The following TDRD12 variants were observed in gnomAD, a reference collection of about 807,000 sequenced individuals.
TDRD12 encodes putative ATP-dependent RNA helicase TDRD12.
TDRD12 carries 158 observed loss-of-function variants against 133.5 expected under a neutral mutation model. The observed-to-expected ratio is 1.18, with a 90% CI of 1.04 to 1.35. TDRD12 has a LOEUF of 1.35. Ranked by LOEUF, TDRD12 falls within the 40% of genes most tolerant of loss-of-function variation. The pLI is 0.00. For synonymous variants in TDRD12, 460 were observed against 477.9 expected, an observed-to-expected ratio of 0.96 and a Z score of 0.49; for missense variants, 1,443 against 1,321.3, an observed-to-expected ratio of 1.09 and a Z score of -1.43.
intron 10 of TDRD12, among the ~76,000 whole-genome samples, chr19:32,774,827 A>G (rs905994932): frequency 7.9e-5 from 12 of 151,896 alleles, no homozygotes; most frequent in Non-Finnish European, 1.2e-4. Flanking sequence ...TACTGAAAAT[A>G]AAAAAAAGTT....
chr19:32,774,170 A>G (rs1970516257), intron 10 of TDRD12, among the ~76,000 whole-genome samples: 1 of 152,258 alleles, frequency 6.6e-6, no homozygotes, highest in South Asian at 2.1e-4. Context: ...TGAATGGTCT[A>G]AGAACACACT....
intron 2 of TDRD12, among the ~76,000 whole-genome samples, chr19:32,733,689 T>C (rs1018045146): frequency 6.6e-6 from 1 of 152,048 alleles, no homozygotes; most frequent in Non-Finnish European, 1.5e-5. Context: ...ATTCATGTGA[T>C]GGCTTCTCCA....
chr19:32,775,434 G>T (rs1376972406), intron 10 of TDRD12, among the ~76,000 whole-genome samples: 1 of 152,130 alleles, frequency 6.6e-6, no homozygotes, highest in Admixed American at 6.5e-5. Flanking sequence ...GGGCTTAAGC[G>T]ATCCTCCGGC....
At chr19:32,758,240 TG>T (rs1239857395) in intron 8 of TDRD12, among the ~76,000 whole-genome samples, 2 of 152,198 alleles carry the variant, frequency 1.3e-5, no homozygotes, top group African/African-American at 4.8e-5. Context: ...TCTTCTTGGA[TG>T]GGTGGTTTCT....
chr19:32,810,393 C>G, intron 23 of TDRD12, 116 bp downstream of exon 23: 1 of 837,548 alleles, frequency 1.2e-6, no homozygotes, highest in Non-Finnish European at 1.7e-6. Flanking sequence ...AGCCTGGTGA[C>G]AGCGGGGTGT....
chr19:32,804,297 C>A (rs564575776), intron 21 of TDRD12, among the ~76,000 whole-genome samples: 3 of 150,868 alleles, frequency 2.0e-5, no homozygotes, highest in Admixed American at 2.0e-4. Flanking sequence ...TGGTTTTGAT[C>A]TCCTGACCTC....
intron 8 of TDRD12, among the ~76,000 whole-genome samples, chr19:32,758,738 C>T (rs1970065870): frequency 6.6e-6 from 1 of 152,182 alleles, no homozygotes; most frequent in Admixed American, 6.5e-5. Context: ...AGTTCAAGAC[C>T]AGCCTGGCCA....
chr19:32,780,153 G>A (rs6510290), intron 11 of TDRD12, among the ~76,000 whole-genome samples: 79,150 of 147,728 alleles, frequency 0.54, 21,378 homozygotes, highest in East Asian at 0.83. Context: ...GTACAATCTC[G>A]CCTTGCTGCA....
chr19:32,738,737 T>G, intron 2 of TDRD12, 119 bp from the exon 3 acceptor site: 1 of 1,093,646 alleles, frequency 9.1e-7, no homozygotes. Flanking sequence ...TGCTTGAACC[T>G]GGGAGGTGGA....
chr19:32,772,127 T>C lies in TDRD12; in HGVS notation c.866-626T>C, dbSNP rs75915286. Among the ~76,000 whole-genome samples, 14 of 152,118 alleles carry C rather than the reference T, an allele frequency of 9.2e-5. No individual in the cohort carries two copies. The East Asian group carries it at 2.3e-3, about 25-fold the overall frequency. ...GACGTGAGGGCTGGCATTAACTAAG[T>C]GGGGGCAGTGATCTGAGGACTCAGG... On this transcript the variant is annotated intron_variant, in intron 8 of 27. Coordinates refer to ENST00000444215, the Ensembl canonical transcript of TDRD12.
chr19:32,780,318 T>C (rs999526314), intron 11 of TDRD12, among the ~76,000 whole-genome samples: 5 of 152,216 alleles, frequency 3.3e-5, no homozygotes. Context: ...ACTCCTGACC[T>C]CAGGTGATCT....
At chr19:32,745,788 TTC>T (rs1477628349) in intron 4 of TDRD12, among the ~76,000 whole-genome samples, 1 of 124,926 alleles carries the variant, frequency 8.0e-6, no homozygotes, top group Admixed American at 8.1e-5. Flanking sequence ...GCTGATGTCA[TTC>T]TGTGTGTGTG....
At chr19:32,741,329 G>A (rs1199571703) in intron 3 of TDRD12, among the ~76,000 whole-genome samples, 2 of 152,166 alleles carry the variant, frequency 1.3e-5, no homozygotes, top group Admixed American at 6.5e-5. Context: ...TGATCCACCC[G>A]CCTCGGCTTC....
chr19:32,769,982 T>C (rs1471287860), intron 8 of TDRD12, among the ~76,000 whole-genome samples: 1 of 143,530 alleles, frequency 7.0e-6, no homozygotes, highest in African/African-American at 2.7e-5. Context: ...TCATCTCATT[T>C]TGTGGGTATG....
chr19:32,754,469 CAAAA>C (rs899151384), intron 6 of TDRD12, among the ~76,000 whole-genome samples: 1 of 151,436 alleles, frequency 6.6e-6, no homozygotes, highest in Non-Finnish European at 1.5e-5. Flanking sequence ...CAAAAACAAA[CAAAA>C]AAAACCGCCA....
At chr19:32,721,026 G>C (rs1269885549) in intron 1 of TDRD12, among the ~76,000 whole-genome samples, 1 of 152,020 alleles carries the variant, frequency 6.6e-6, no homozygotes, top group Non-Finnish European at 1.5e-5. Flanking sequence ...GGGGCCCTTA[G>C]GCTCGGCGCC....
intron 11 of TDRD12, among the ~76,000 whole-genome samples, chr19:32,785,835 G>C (rs893789085): frequency 1.8e-4 from 28 of 152,016 alleles, no homozygotes; most frequent in African/African-American, 6.8e-4. Flanking sequence ...TTGCACGTGA[G>C]ATGGGTCTCC....
In TDRD12 at chr19:32,802,778, C is replaced by CA; in HGVS notation, c.2321dup (p.His774GlnfsTer3). On this transcript the variant is annotated frameshift_variant, in exon 20 of 28. Coordinates refer to ENST00000444215, the Ensembl canonical transcript of TDRD12. LOFTEE classifies it high-confidence loss of function. Reference sequence around the variant, plus strand: ...CCTGTATTGCATGTCTGATCATTTTCACGCTGAACAGGTTTGGTGAATTTT... The same window carrying CA: ...CCTGTATTGCATGTCTGATCATTTTCAACGCTGAACAGGTTTGGTGAATTTT... 1 of 1,536,738 alleles carries CA rather than the reference C, an allele frequency of 6.5e-7. No homozygotes were observed. The highest frequency in any genetic ancestry group is 8.7e-7 in the Non-Finnish European group (1 of 1,147,048).
chr19:32,820,766 A>G (rs1414065761), intron 27 of TDRD12, among the ~76,000 whole-genome samples: 2 of 152,340 alleles, frequency 1.3e-5, no homozygotes, highest in East Asian at 3.9e-4. Context: ...TGAAGTGGGC[A>G]GCAGTGAGTA....
Sources: allele counts gnomAD v4.1 joint callset (sites outside exome capture counted in the v4.1 genomes callset), GRCh38; gene constraint gnomAD v4.1.1; transcripts MANE v1.5; gene names NCBI Gene and HGNC (gene_info 2026-07-23, HGNC 2026-07-21).